Variants in BRD1 observed in about 807,000 individuals in gnomAD.
BRD1 encodes bromodomain containing 1.
BRD1 carries 24 observed loss-of-function variants against 107.7 expected under a neutral mutation model. The ratio of observed to expected loss-of-function variants is 0.22; its 90% CI spans 0.16 to 0.31. BRD1 has a LOEUF of 0.31. BRD1 is among the 10% of genes least tolerant of loss of function. The pLI is 1.00. For synonymous variants in BRD1, 744 were observed against 686.1 expected (o/e 1.08, Z -1.32); for missense variants, 1,279 against 1,638.6 (o/e 0.78, Z 3.79).
chr22:49,806,543 C>G (rs1035624508), intron 2 of BRD1: 1 of 152,166 alleles, frequency 6.6e-6, no homozygotes, highest in Non-Finnish European at 1.5e-5. Flanking sequence ...GGGAAACAGA[C>G]CTCAGATAAG....
At chr22:49,776,276 C>T (rs1056925838) in intron 10 of BRD1, 117 bp from the exon 11 acceptor site, 1 of 822,552 alleles carries the variant, frequency 1.2e-6, no homozygotes, top group Admixed American at 2.1e-5. Flanking sequence ...AGCTCCCAGG[C>T]CTTTCTCAGC....
chr22:49,793,887 C>T (rs1006816550), intron 7 of BRD1, 147 bp downstream of exon 7: 18 of 1,116,638 alleles, frequency 1.6e-5, no homozygotes, highest in East Asian at 7.5e-5. Flanking sequence ...TCAAGTGTTC[C>T]GGGATTTGTG....
At chr22:49,796,636 G>A (rs1231069632) in intron 6 of BRD1, among the ~76,000 whole-genome samples, 1 of 152,238 alleles carries the variant, frequency 6.6e-6, no homozygotes, top group Non-Finnish European at 1.5e-5. Context: ...GGGATTACAG[G>A]CATGAGCCAC....
chr22:49,777,512 C>T (rs1185432726), intron 9 of BRD1, among the ~76,000 whole-genome samples, 166 bp downstream of exon 9: 5 of 152,204 alleles, frequency 3.3e-5, no homozygotes. Flanking sequence ...GATTAATATG[C>T]AGCATGGGAA....
chr22:49,790,451 C>T (rs144390174), intron 7 of BRD1, among the ~76,000 whole-genome samples: 2 of 152,358 alleles, frequency 1.3e-5, no homozygotes, highest in East Asian at 3.9e-4. Context: ...GCCTCTCAGA[C>T]CCCGTCAATG....
intron 2 of BRD1, among the ~76,000 whole-genome samples, chr22:49,816,834 G>C (rs1265544490): frequency 6.6e-6 from 1 of 152,234 alleles, no homozygotes. Flanking sequence ...TGCCTACCCT[G>C]CAGGGAATAG....
intron 2 of BRD1, among the ~76,000 whole-genome samples, chr22:49,822,143 C>T (rs1291938024): frequency 1.3e-5 from 2 of 152,232 alleles, no homozygotes; most frequent in African/African-American, 4.8e-5. Context: ...TCTTCACGCA[C>T]GGCTGGGCAT....
At chr22:49,805,782 C>A (rs556625548) in intron 2 of BRD1, 1 of 149,404 alleles carries the variant, frequency 6.7e-6, no homozygotes, top group African/African-American at 2.5e-5. Context: ...CACTCTATTG[C>A]CCAGGCTGGA....
chr22:49,785,192 C>T (rs888280904), intron 8 of BRD1, among the ~76,000 whole-genome samples: 10 of 152,360 alleles, frequency 6.6e-5, no homozygotes, highest in Non-Finnish European at 1.3e-4. Context: ...AGGACGTGGC[C>T]GCCAGCCGGC....
Position 49,787,467 on chromosome 22 carries a change from T to A in BRD1, c.2780A>T (p.Gln927Leu). The change falls in exon 8 of 13, where the codon CAG (glutamine) becomes CTG (leucine). Residue 927 changes from glutamine (Q) to leucine (L), a missense_variant. Physicochemically the swap from Gln to Leu is moderately radical, Grantham distance 113. Around this residue, in one of 7 missense-constraint regions of BRD1, gnomAD observed 263 missense variants for 251.6 expected, o/e 1.05. Transcript: ENST00000404760. ...TGTGCTCCGCGACCTTTTCCTTGGC[T>A]GCAGAAGAGTCTCCAACCTCGGAAG... ...VVLPRLETLL[Q>L]PRKRSRSTCG... The A allele has an allele frequency of 6.2e-7, 1 of 1,614,196 alleles. No homozygotes were observed. Among genetic ancestry groups the A allele is most frequent in the African/African-American group, 1.3e-5 (1 of 75,064 alleles).
intron 2 of BRD1, among the ~76,000 whole-genome samples, chr22:49,807,815 G>A (rs2059773401): frequency 6.6e-6 from 1 of 152,086 alleles, no homozygotes; most frequent in East Asian, 1.9e-4. Flanking sequence ...TGAATGGGAG[G>A]AAATATTTTC....
At position 49,777,147 on chromosome 22, in the gene BRD1, T is replaced by C. The variant is rs752975881; in HGVS notation, c.3008A>G (p.Lys1003Arg). 1.9e-6 allele frequency: 3 copies of C among 1,613,084 alleles called. No individual in the cohort carries two copies. The change falls in exon 10 of 13, where the codon AAA becomes AGA. Residue 1003 changes from lysine to arginine, a missense_variant. Transcript: ENST00000404760. Reference sequence around the variant, plus strand: ...AAGAGCCGGTTTGCCCCGCCCACATTTGGGCGCATTAAAGCTTCGGGAGGA... The same window carrying C: ...AAGAGCCGGTTTGCCCCGCCCACATCTGGGCGCATTAAAGCTTCGGGAGGA... The part of the protein sequence containing the change: ...PLCDSSFNAP[K>R]CGRGKPALVR...
At chr22:49,777,917 C>CAGACAGGTA in intron 8 of BRD1, 104 bp from the exon 9 acceptor site, 2 of 1,432,684 alleles carry the variant, frequency 1.4e-6, no homozygotes, top group Non-Finnish European at 1.9e-6. Flanking sequence ...GCACGTTTCA[C>CAGACAGGTA]AGACAGGTAA....
chr22:49,791,149 G>A (rs1181115596), intron 7 of BRD1, among the ~76,000 whole-genome samples: 2 of 152,358 alleles, frequency 1.3e-5, no homozygotes, highest in South Asian at 2.1e-4. Context: ...CAGCTGTGGC[G>A]TGGCCCCCAC....
rs2059683031 is a variant in BRD1, at chr22:49,803,678, C to T, written c.1524+526G>A. Among the ~76,000 whole-genome samples, 1 of 152,192 alleles carries T rather than the reference C, an allele frequency of 6.6e-6. No homozygotes were observed. The highest frequency in any genetic ancestry group is 2.1e-4 in the South Asian group (1 of 4,824). On this transcript the variant is annotated intron_variant, in intron 3 of 12. Transcript: ENST00000404760. The surrounding 1 kb of genome is among the most constrained non-coding windows in gnomAD (Gnocchi z 4.4). Reference sequence around the variant, plus strand: ...TGCTCCTTCCCTCCCACTCTCTCAGCTCTCTCGAGCCCTCCCCACCCCACC... The same window carrying T: ...TGCTCCTTCCCTCCCACTCTCTCAGTTCTCTCGAGCCCTCCCCACCCCACC...
chr22:49,827,716 GGGCTCGGGGCCCAGCTGGAGGCCC>G lies in BRD1; in HGVS notation c.-258_-235del, dbSNP rs2060161333. On this transcript the variant is annotated 5_prime_UTR_variant, in exon 1 of 13. Coordinates refer to ENST00000404760, the MANE Select transcript of BRD1 (RefSeq NM_001304808.3). The stretch of plus-strand genomic sequence containing the variant: ...GCAGCGGCTCGCGCGGCGCGGGCTC[GGGCTCGGGGCCCAGCTGGAGGCCC>G]GGCTCGGGGGGCCCGGCCGGCGGGC... 1.4e-5 allele frequency among the ~76,000 whole-genome samples: 2 copies of G among 144,536 alleles called. No homozygotes were observed. The highest frequency in any genetic ancestry group is 6.8e-5 in the Admixed American group (1 of 14,650). The allele number at this position is 144,536 out of a possible 152,430, so 94.8% of individuals were successfully genotyped here.
intron 12 of BRD1, 34 bp downstream of exon 12, chr22:49,775,557 G>A (rs916418): frequency 0.058 from 82,509 of 1,413,582 alleles, 5,945 homozygotes; most frequent in African/African-American, 0.33. Flanking sequence ...AACCACCCCA[G>A]CCGGTCCCCG....
chr22:49,780,516 G>A (rs1465638208), intron 8 of BRD1, among the ~76,000 whole-genome samples: 3 of 151,990 alleles, frequency 2.0e-5, no homozygotes, highest in Admixed American at 2.0e-4. Flanking sequence ...GGCGGTCTGG[G>A]GGCTGCGGCA....
chr22:49,801,579 C>G (rs939491710), intron 3 of BRD1, among the ~76,000 whole-genome samples: 1 of 152,270 alleles, frequency 6.6e-6, no homozygotes, highest in Non-Finnish European at 1.5e-5. Flanking sequence ...TCCAGGCTCT[C>G]CACGCCGACT....
Sources: allele counts gnomAD v4.1 joint callset (sites outside exome capture counted in the v4.1 genomes callset), GRCh38; gene constraint gnomAD v4.1.1; regional missense constraint gnomAD v4.1.1; non-coding constraint Gnocchi (gnomAD v3.1); transcripts MANE v1.5; gene names NCBI Gene and HGNC (gene_info 2026-07-23, HGNC 2026-07-21).